Variants in TCF20 observed in about 807,000 individuals in gnomAD.
TCF20 encodes the protein SPRE-binding protein.
Under a neutral mutation model 148.6 loss-of-function variants are expected in TCF20, and 3 were observed. The ratio of observed to expected loss-of-function variants is 0.02; its 90% CI spans 0.01 to 0.05. The LOEUF is 0.05. TCF20 is among the 10% of genes least tolerant of loss of function. TCF20 has a pLI of 1.00. For missense variants in TCF20, 2,350 were observed against 2,429.3 expected (o/e 0.97, Z 0.69); for synonymous variants, 1,049 against 909.5 (o/e 1.15, Z -2.76).
intron 1 of TCF20, among the ~76,000 whole-genome samples, chr22:42,311,547 G>T (rs1370658057): frequency 1.3e-5 from 2 of 152,168 alleles, no homozygotes; most frequent in African/African-American, 2.4e-5. Flanking sequence ...CCCTGCAGGG[G>T]CCACACCACC....
Position 42,225,340 on chromosome 22 carries a change from C to T in TCF20, c.-36-9999G>A, listed in dbSNP as rs973048499. On this transcript the variant is annotated intron_variant, in intron 1 of 5. Transcript: ENST00000677622. ...TAAAAATTACAACCCTTAGGCCGGGCGCGGTGGCTCACACCTGTAATCCCA... is the reference window on the plus strand; with the variant it reads ...TAAAAATTACAACCCTTAGGCCGGGTGCGGTGGCTCACACCTGTAATCCCA... 4.0e-5 allele frequency among the ~76,000 whole-genome samples: 6 copies of T among 151,876 alleles called. No individual in the cohort carries two copies. The South Asian group carries it at 6.2e-4, about 16-fold the overall frequency.
intron 1 of TCF20, among the ~76,000 whole-genome samples, chr22:42,229,216 G>A (rs774635471): frequency 1.3e-5 from 2 of 152,192 alleles, no homozygotes; most frequent in Non-Finnish European, 2.9e-5. Flanking sequence ...GAGTCATGCA[G>A]TATGATCACA....
intron 1 of TCF20, among the ~76,000 whole-genome samples, chr22:42,232,731 G>A (rs373047210): frequency 2.6e-5 from 4 of 151,170 alleles, no homozygotes; most frequent in Non-Finnish European, 2.9e-5. Context: ...CCCGGGAGGC[G>A]GAGCTTGCAG....
At chr22:42,259,767 C>CA (rs1354157111) in intron 1 of TCF20, among the ~76,000 whole-genome samples, 1 of 152,112 alleles carries the variant, frequency 6.6e-6, no homozygotes, top group Non-Finnish European at 1.5e-5. Flanking sequence ...CACTGTGTAT[C>CA]AAATACTGCT....
intron 1 of TCF20, among the ~76,000 whole-genome samples, chr22:42,319,094 C>A (rs115497862): frequency 2.0e-5 from 3 of 152,170 alleles, no homozygotes; most frequent in Non-Finnish European, 4.4e-5. Context: ...TCAGGCTGGC[C>A]GTGGGAGGGC....
chr22:42,215,071 A>AACC lies in TCF20; in HGVS notation c.232_234dup (p.Gly78dup), dbSNP rs751529766. On this transcript the variant is annotated inframe_insertion, in exon 2 of 6. Coordinates refer to ENST00000677622, the MANE Select transcript of TCF20 (RefSeq NM_001378418.1). ...CCAGCCTCTTTCCTGAAACCCTGGT[A>AACC]ACCTTGATGGCCAGAGGTCTCGCTA... 5.3e-5 allele frequency: 85 copies of AACC among 1,614,160 alleles called. No homozygotes were observed. The African/African-American group carries it at 6.8e-4, about 13-fold the overall frequency.
intron 1 of TCF20, among the ~76,000 whole-genome samples, chr22:42,225,565 G>T (rs1429935450): frequency 2.8e-5 from 4 of 144,846 alleles, no homozygotes; most frequent in Non-Finnish European, 6.0e-5. Context: ...AGTGAGCCGA[G>T]ATTGCGCCAC....
At chr22:42,328,438 C>A (rs1005430703) in intron 1 of TCF20, among the ~76,000 whole-genome samples, 3 of 152,182 alleles carry the variant, frequency 2.0e-5, no homozygotes, top group Non-Finnish European at 4.4e-5. Context: ...TCTAGCAGTA[C>A]CCAGTCCCAC....
At chr22:42,331,075 C>T (rs982782326) in intron 1 of TCF20, among the ~76,000 whole-genome samples, 1 of 152,238 alleles carries the variant, frequency 6.6e-6, no homozygotes, top group African/African-American at 2.4e-5. Context: ...ACTGCTGAGT[C>T]GGGCAGCTGG....
intron 1 of TCF20, among the ~76,000 whole-genome samples, chr22:42,229,525 G>T (rs1040885316): frequency 6.6e-6 from 1 of 152,146 alleles, no homozygotes; most frequent in Non-Finnish European, 1.5e-5. Context: ...GCCTCAAACT[G>T]CAAGAGAGTA....
intron 2 of TCF20, among the ~76,000 whole-genome samples, chr22:42,205,975 T>C (rs1276465191): frequency 6.6e-6 from 1 of 152,122 alleles, no homozygotes; most frequent in Non-Finnish European, 1.5e-5. Flanking sequence ...GGTTTGACCA[T>C]GTTGGCCAGG....
At chr22:42,324,393 G>A (rs951602380) in intron 1 of TCF20, among the ~76,000 whole-genome samples, 3 of 152,052 alleles carry the variant, frequency 2.0e-5, no homozygotes, top group Non-Finnish European at 4.4e-5. Context: ...ACAAACAGAA[G>A]TAGTGATAGA....
chr22:42,340,894 C>CG (rs1555961634), intron 1 of TCF20, among the ~76,000 whole-genome samples: 25 of 136,686 alleles, frequency 1.8e-4, no homozygotes, highest in African/African-American at 6.7e-4. Context: ...CCCCCCCCCC[C>CG]ACCCCAACCA....
At chr22:42,286,890 G>A (rs760922263), upstream of TCF20, among the ~76,000 whole-genome samples, 8 of 152,312 alleles carry the variant, frequency 5.3e-5, no homozygotes, top group Non-Finnish European at 7.3e-5. Flanking sequence ...CGTGGAGGAC[G>A]TGTGCACAAT....
At chr22:42,223,444 A>G (rs1289575778) in intron 1 of TCF20, among the ~76,000 whole-genome samples, 1 of 152,192 alleles carries the variant, frequency 6.6e-6, no homozygotes, top group Admixed American at 6.5e-5. Flanking sequence ...TCAGATCTCT[A>G]ATAACTGTAG....
intron 3 of TCF20, among the ~76,000 whole-genome samples, chr22:42,174,836 C>T (rs564309587): frequency 6.6e-5 from 10 of 152,058 alleles, no homozygotes; most frequent in Admixed American, 1.3e-4. Context: ...GAGATCGAGA[C>T]CATCCCGGCT....
At chr22:42,281,837 CA>C (rs1926909346) in intron 1 of TCF20, among the ~76,000 whole-genome samples, 1 of 152,204 alleles carries the variant, frequency 6.6e-6, no homozygotes, top group Non-Finnish European at 1.5e-5. Context: ...GCTCTAGGAA[CA>C]GGGCTCCTCT....
chr22:42,216,326 A>G (rs111939180), intron 1 of TCF20, among the ~76,000 whole-genome samples: 3 of 152,154 alleles, frequency 2.0e-5, no homozygotes, highest in Admixed American at 1.3e-4. Context: ...CCACTCCCCA[A>G]CACTGAGAAA....
chr22:42,176,857 G>C (rs1936484730), intron 3 of TCF20, among the ~76,000 whole-genome samples: 2 of 152,134 alleles, frequency 1.3e-5, no homozygotes, highest in South Asian at 4.1e-4. Flanking sequence ...GGAAAGGAAA[G>C]GAAGAGATAA....
Sources: allele counts gnomAD v4.1 joint callset (sites outside exome capture counted in the v4.1 genomes callset), GRCh38; gene constraint gnomAD v4.1.1; transcripts MANE v1.5; gene names NCBI Gene and HGNC (gene_info 2026-07-23, HGNC 2026-07-21).